IL1RAPL2: variants seen among roughly 807,000 people sequenced by gnomAD.
The protein encoded by IL1RAPL2 is interleukin 1 receptor accessory protein like 2, also known as X-linked interleukin-1 receptor accessory protein-like 2.
Under a neutral mutation model 44.1 loss-of-function variants are expected in IL1RAPL2, and 3 were observed. The ratio of observed to expected loss-of-function variants is 0.07; its 90% CI spans 0.03 to 0.18. IL1RAPL2 has a LOEUF of 0.18. IL1RAPL2 is among the 10% of genes least tolerant of loss of function. The pLI is 1.00. For missense variants in IL1RAPL2, 391 were observed against 496.4 expected, an observed-to-expected ratio of 0.79 and a Z score of 2.02; for synonymous variants, 181 against 178.8, an observed-to-expected ratio of 1.01 and a Z score of -0.10.
chrX:105,615,142 C>G (rs1340106467), intron 6 of IL1RAPL2, among the ~76,000 whole-genome samples: 1 of 111,748 alleles, frequency 8.9e-6, no homozygotes, highest in East Asian at 2.8e-4. Flanking sequence ...TCATCTCACC[C>G]CAGTTAAAAT....
intron 2 of IL1RAPL2, among the ~76,000 whole-genome samples, chrX:105,004,097 T>C (rs1369110500): frequency 9.0e-6 from 1 of 110,881 alleles, no homozygotes; most frequent in Non-Finnish European, 1.9e-5. Context: ...AAGATGTTTA[T>C]AGTTCCAGAT....
chrX:105,401,006 C>T (rs2035602798), intron 5 of IL1RAPL2, among the ~76,000 whole-genome samples: 1 of 111,528 alleles, frequency 9.0e-6, no homozygotes, highest in African/African-American at 3.3e-5. Flanking sequence ...GCCTTCAGCA[C>T]TGTGTCCTCC....
At chrX:105,402,576 A>C (rs751870359) in intron 5 of IL1RAPL2, among the ~76,000 whole-genome samples, 2 of 111,613 alleles carry the variant, frequency 1.8e-5, no homozygotes, top group African/African-American at 6.5e-5. Flanking sequence ...GAGAATACAC[A>C]CACTGTCTTT....
chrX:104,582,640 C>CTTTCTTTCTTTCTT (rs1190837162), intron 1 of IL1RAPL2, among the ~76,000 whole-genome samples: 1 of 52,597 alleles, frequency 1.9e-5, no homozygotes, highest in African/African-American at 7.9e-5. Context: ...TTCTTTCTTT[C>CTTTCTTTCTTTCTT]TCTCTTTCTT....
intron 5 of IL1RAPL2, among the ~76,000 whole-genome samples, chrX:105,312,092 C>A (rs1459885480): frequency 5.4e-5 from 6 of 111,492 alleles, no homozygotes; most frequent in Non-Finnish European, 9.4e-5. Flanking sequence ...AAAATGACTA[C>A]CTGAATCTTA....
intron 6 of IL1RAPL2, among the ~76,000 whole-genome samples, chrX:105,548,411 G>T (rs1170146013): frequency 9.0e-6 from 1 of 111,272 alleles, no homozygotes; most frequent in Non-Finnish European, 1.9e-5. Context: ...GTGAGGAAAA[G>T]AACATTTCAG....
At chrX:105,763,597 GAA>G (rs2038705170) in intron 10 of IL1RAPL2, among the ~76,000 whole-genome samples, 3 of 109,904 alleles carry the variant, frequency 2.7e-5, no homozygotes, top group Admixed American at 9.8e-5. Context: ...CAAGTAAAAA[GAA>G]AAGAGAATAA....
intron 7 of IL1RAPL2, among the ~76,000 whole-genome samples, chrX:105,731,974 G>C: frequency 9.0e-6 from 1 of 111,658 alleles, no homozygotes. Context: ...ACACTGAAAT[G>C]ATAAATGCTC....
intron 2 of IL1RAPL2, among the ~76,000 whole-genome samples, chrX:104,702,807 A>T (rs1324672101): frequency 9.0e-6 from 1 of 111,417 alleles, no homozygotes; most frequent in Non-Finnish European, 1.9e-5. Flanking sequence ...ATCATCAGAA[A>T]TTGATCACAA....
chrX:104,830,086 A>G (rs1224543874), intron 2 of IL1RAPL2, among the ~76,000 whole-genome samples: 1 of 111,715 alleles, frequency 9.0e-6, no homozygotes, highest in Non-Finnish European at 1.9e-5. Flanking sequence ...TAACAGAATG[A>G]TAGAGGAGAT....
chrX:105,766,826 G>C, intron 10 of IL1RAPL2, 138 bp from the exon 11 acceptor site: 1 of 432,854 alleles, frequency 2.3e-6, no homozygotes, highest in Non-Finnish European at 4.0e-6. Context: ...TTAAGGAGGG[G>C]AATGTACCAT....
chrX:105,224,991 A>G (rs930062868), intron 3 of IL1RAPL2, among the ~76,000 whole-genome samples: 2 of 111,853 alleles, frequency 1.8e-5, no homozygotes, highest in African/African-American at 3.3e-5. Context: ...GATGTGGACA[A>G]TGGTGGTGTC....
At chrX:104,999,366 G>T (rs997289293) in intron 2 of IL1RAPL2, among the ~76,000 whole-genome samples, 1 of 111,222 alleles carries the variant, frequency 9.0e-6, no homozygotes, top group African/African-American at 3.3e-5. Context: ...AGTGGAGAAG[G>T]TGTGAAATAT....
chrX:104,915,750 G>A (rs956908235), intron 2 of IL1RAPL2, among the ~76,000 whole-genome samples: 1 of 111,720 alleles, frequency 9.0e-6, no homozygotes. Context: ...TTTGTATAAG[G>A]TGTAAGGAAG....
intron 2 of IL1RAPL2, among the ~76,000 whole-genome samples, chrX:104,726,025 G>A (rs1196753429): frequency 9.0e-6 from 1 of 111,571 alleles, no homozygotes; most frequent in Non-Finnish European, 1.9e-5. Flanking sequence ...TAGGTCTTAG[G>A]TTTAAGTCTT....
At chrX:104,610,650 C>T (rs1929134318) in intron 1 of IL1RAPL2, among the ~76,000 whole-genome samples, 1 of 111,841 alleles carries the variant, frequency 8.9e-6, no homozygotes, top group South Asian at 3.8e-4. Flanking sequence ...AATGGAAGAA[C>T]ATTCCATGCT....
intron 5 of IL1RAPL2, among the ~76,000 whole-genome samples, chrX:105,286,619 T>A (rs12689125): frequency 0.15 from 16,010 of 106,273 alleles, 2,012 homozygotes; most frequent in African/African-American, 0.42. Flanking sequence ...TTTTTTTTTT[T>A]AAAAAAACAA....
At chrX:105,264,482 T>C (rs1464890444) in intron 4 of IL1RAPL2, among the ~76,000 whole-genome samples, 1 of 111,340 alleles carries the variant, frequency 9.0e-6, no homozygotes, top group Non-Finnish European at 1.9e-5. Context: ...GCCAGCAGCT[T>C]ACTGGGAGAA....
At chrX:105,722,290 T>C (rs1328389756) in intron 7 of IL1RAPL2, among the ~76,000 whole-genome samples, 2 of 111,903 alleles carry the variant, frequency 1.8e-5, no homozygotes, top group Non-Finnish European at 3.8e-5. Flanking sequence ...ATATGCAATA[T>C]ATCATTGACT....
Sources: gnomAD v4.1 joint callset for allele counts (sites outside exome capture counted in the v4.1 genomes callset) on GRCh38, gnomAD v4.1.1 for gene constraint, MANE v1.5 for transcripts, NCBI Gene and HGNC (gene_info 2026-07-23, HGNC 2026-07-21) for gene names.